MYRIP: variants seen among roughly 807,000 people sequenced by gnomAD.
The protein encoded by MYRIP is rab effector MyRIP.
Under a neutral mutation model 98.0 loss-of-function variants are expected in MYRIP, and 49 were observed. The observed-to-expected ratio is 0.50, with a 90% confidence interval of 0.40 to 0.63. The LOEUF (loss-of-function observed/expected upper bound fraction) is 0.63. MYRIP is among the 30% of genes least tolerant of loss of function. The probability of loss-of-function intolerance (pLI) is 0.00; values close to 1 mark genes in which losing one functional copy is unlikely to be tolerated. For missense variants in MYRIP, 1,004 were observed against 1,058.2 expected (o/e 0.95, Z 0.71); for synonymous variants, 404 against 409.5 (o/e 0.99, Z 0.16).
intron 2 of MYRIP, among the ~76,000 whole-genome samples, chr3:40,032,502 G>A (rs1947283386): frequency 6.6e-6 from 1 of 152,090 alleles, no homozygotes; most frequent in Non-Finnish European, 1.5e-5. Context: ...TGTATATTCT[G>A]TTGATTTGGG....
intron 10 of MYRIP, among the ~76,000 whole-genome samples, chr3:40,202,126 T>C (rs755371278): frequency 1.3e-5 from 2 of 152,236 alleles, no homozygotes; most frequent in African/African-American, 2.4e-5. Context: ...GCAGAAACTT[T>C]GTTTTTTAGG....
intron 3 of MYRIP, among the ~76,000 whole-genome samples, chr3:40,072,446 A>G (rs1404960524): frequency 6.6e-6 from 1 of 152,134 alleles, no homozygotes; most frequent in East Asian, 1.9e-4. Context: ...ACCTCAGGCA[A>G]TCCAACCACA....
At chr3:40,083,405 T>C (rs72873108) in intron 3 of MYRIP, among the ~76,000 whole-genome samples, 3,590 of 152,234 alleles carry the variant, frequency 0.024, 96 homozygotes, top group African/African-American at 0.06. Context: ...GTGGCTAAGA[T>C]TGCTTTCTTC....
At chr3:40,061,434 A>T (rs1317573033) in intron 3 of MYRIP, among the ~76,000 whole-genome samples, 1 of 152,212 alleles carries the variant, frequency 6.6e-6, no homozygotes, top group African/African-American at 2.4e-5. Flanking sequence ...TTACGGCTGC[A>T]TCATATTCCA....
intron 3 of MYRIP, among the ~76,000 whole-genome samples, chr3:40,063,617 T>G (rs1948065534): frequency 6.6e-6 from 1 of 152,228 alleles, no homozygotes; most frequent in South Asian, 2.1e-4. Context: ...CTTGTAATAT[T>G]CTTTTCCTCT....
intron 3 of MYRIP, among the ~76,000 whole-genome samples, chr3:40,101,727 C>T (rs1397757474): frequency 6.6e-6 from 1 of 152,088 alleles, no homozygotes; most frequent in Non-Finnish European, 1.5e-5. Context: ...CTATGTAATG[C>T]TATTGCTTCA....
chr3:40,166,649 T>G (rs1950505826), intron 5 of MYRIP, among the ~76,000 whole-genome samples, 197 bp from the exon 6 acceptor site: 1 of 152,050 alleles, frequency 6.6e-6, no homozygotes, highest in Non-Finnish European at 1.5e-5. Context: ...AACAATTTGT[T>G]GCAACTGGGG....
chr3:39,946,832 G>T (rs1944915267), intron 2 of MYRIP, among the ~76,000 whole-genome samples: 1 of 152,106 alleles, frequency 6.6e-6, no homozygotes, highest in Non-Finnish European at 1.5e-5. Context: ...GTGGCAAATT[G>T]GTGTTGTCAC....
intron 3 of MYRIP, among the ~76,000 whole-genome samples, chr3:40,088,965 CAG>C (rs146384611): frequency 1.3e-5 from 2 of 149,282 alleles, no homozygotes; most frequent in South Asian, 2.1e-4. Context: ...TGGTAAGACA[CAG>C]AGAGAGAGAG....
intron 11 of MYRIP, among the ~76,000 whole-genome samples, chr3:40,221,609 T>C (rs1403520080): frequency 4.6e-5 from 7 of 152,122 alleles, no homozygotes; most frequent in Non-Finnish European, 1.5e-5. Context: ...CCACCTTGGG[T>C]GATAAAGTGA....
chr3:39,814,359 A>G (rs1940807247), intron 1 of MYRIP, among the ~76,000 whole-genome samples: 1 of 152,168 alleles, frequency 6.6e-6, no homozygotes, highest in African/African-American at 2.4e-5. Context: ...CTTAGAGATT[A>G]TCTTTTTAAT....
intron 2 of MYRIP, among the ~76,000 whole-genome samples, chr3:39,985,871 G>A (rs931932059): frequency 6.6e-6 from 1 of 151,460 alleles, no homozygotes; most frequent in African/African-American, 2.4e-5. Context: ...GAAAACCTAG[G>A]CATTACCATT....
At chr3:40,050,345 G>A (rs1159076767) in intron 3 of MYRIP, among the ~76,000 whole-genome samples, 1 of 152,084 alleles carries the variant, frequency 6.6e-6, no homozygotes, top group African/African-American at 2.4e-5. Flanking sequence ...TAAAAGGTAT[G>A]CTAAATTTAC....
At chr3:40,107,192 G>C (rs1949065700) in intron 3 of MYRIP, among the ~76,000 whole-genome samples, 1 of 152,210 alleles carries the variant, frequency 6.6e-6, no homozygotes, top group African/African-American at 2.4e-5. Context: ...ACCTGCTGGG[G>C]ACCAGGCACC....
intron 2 of MYRIP, among the ~76,000 whole-genome samples, chr3:39,910,580 A>T (rs140287394): frequency 1.7e-4 from 26 of 152,344 alleles, no homozygotes; most frequent in African/African-American, 6.3e-4. Context: ...TCTAAGTGTG[A>T]AATAAATGCT....
chr3:39,993,336 T>C (rs927280724), intron 2 of MYRIP, among the ~76,000 whole-genome samples: 12 of 152,158 alleles, frequency 7.9e-5, no homozygotes, highest in African/African-American at 2.9e-4. Context: ...TTCCAGCACA[T>C]ACTTTTTGGG....
At chr3:39,937,192 C>A (rs546522545) in intron 2 of MYRIP, among the ~76,000 whole-genome samples, 2 of 152,302 alleles carry the variant, frequency 1.3e-5, no homozygotes, top group African/African-American at 4.8e-5. Flanking sequence ...TTCCTATAGG[C>A]AGGATGTTAT....
chr3:40,144,541 G>A (rs1202785697), intron 3 of MYRIP, among the ~76,000 whole-genome samples: 1 of 152,228 alleles, frequency 6.6e-6, no homozygotes, highest in Non-Finnish European at 1.5e-5. Context: ...CTGCAGAGCT[G>A]AGCCTTTCTG....
At chr3:40,009,802 G>C (rs1439439149) in intron 2 of MYRIP, among the ~76,000 whole-genome samples, 5 of 152,194 alleles carry the variant, frequency 3.3e-5, no homozygotes, top group Non-Finnish European at 5.9e-5. Context: ...GTGATGTATA[G>C]GTTCTGTGAA....
Sources: allele counts gnomAD v4.1 joint callset (sites outside exome capture counted in the v4.1 genomes callset), GRCh38; gene constraint gnomAD v4.1.1; transcripts MANE v1.5; gene names NCBI Gene and HGNC (gene_info 2026-07-23, HGNC 2026-07-21).